The following ANKHD1 variants were observed in gnomAD, a reference collection of about 807,000 sequenced individuals.
ANKHD1 encodes the protein ankyrin repeat and KH domain containing 1.
A neutral mutation model predicts 230.5 loss-of-function variants in ANKHD1; 31 were observed. The observed-to-expected ratio is 0.13, with a 90% confidence interval of 0.10 to 0.18. The LOEUF is 0.18. Among genes scored for constraint, ANKHD1 ranks in the 10% least tolerant of loss-of-function variants. The probability of loss-of-function intolerance (pLI) is 1.00; values close to 1 mark genes in which losing one functional copy is unlikely to be tolerated. For missense variants in ANKHD1, 2,256 were observed against 3,071.3 expected (o/e 0.73, Z 6.27); for synonymous variants, 1,074 against 1,117.6 (o/e 0.96, Z 0.78).
At chr5:140,454,817 G>A (rs1177678636) in intron 7 of ANKHD1, among the ~76,000 whole-genome samples, 7 of 152,060 alleles carry the variant, frequency 4.6e-5, no homozygotes, top group African/African-American at 1.4e-4. Context: ...AGAAGTAAGA[G>A]CAAACACATT....
intron 1 of ANKHD1, among the ~76,000 whole-genome samples, chr5:140,425,033 T>C (rs544168625): frequency 6.6e-6 from 1 of 152,250 alleles, no homozygotes; most frequent in Non-Finnish European, 1.5e-5. Flanking sequence ...AGGTACTTAA[T>C]AGTAGATTTT....
chr5:140,459,805 GA>G (rs1381753109), intron 9 of ANKHD1, among the ~76,000 whole-genome samples: 2 of 152,096 alleles, frequency 1.3e-5, no homozygotes, highest in Admixed American at 6.5e-5. Flanking sequence ...ATACTGTTTA[GA>G]AAAAGACTTA....
intron 14 of ANKHD1, among the ~76,000 whole-genome samples, chr5:140,490,713 T>G (rs1164239517): frequency 1.3e-5 from 2 of 152,248 alleles, no homozygotes; most frequent in African/African-American, 4.8e-5. Context: ...AGAATTAATC[T>G]GCTGCAAAGC....
chr5:140,539,782 C>T lies in ANKHD1; in HGVS notation c.*364C>T, dbSNP rs1450278578. 5.7e-6 allele frequency: 1 copy of T among 175,826 alleles called. No homozygotes were observed. The highest frequency in any genetic ancestry group is 1.2e-5 in the Non-Finnish European group (1 of 82,752). 10.9% of individuals were successfully genotyped at this position (175,826 alleles called of 1,614,324 possible). A position where few individuals can be genotyped will look rare whatever the true frequency, so the allele number is the denominator to read the frequency against. On this transcript the variant is annotated 3_prime_UTR_variant, in exon 34 of 34. Transcript: ENST00000360839. ...GAGTAAATTTCTTGTCATATAGTGG[C>T]TCTACGTAATGTAGCCTGTATTAAT...
chr5:140,497,551 T>G (rs542729705), intron 15 of ANKHD1, among the ~76,000 whole-genome samples: 2 of 152,230 alleles, frequency 1.3e-5, no homozygotes, highest in Non-Finnish European at 2.9e-5. Context: ...TCAAAACCAC[T>G]GTGTGCTGTG....
intron 10 of ANKHD1, among the ~76,000 whole-genome samples, chr5:140,467,195 A>G (rs1443250468): frequency 2.0e-5 from 3 of 152,132 alleles, no homozygotes; most frequent in Non-Finnish European, 4.4e-5. Flanking sequence ...TTGATGAACC[A>G]TACTCGTTCA....
At chr5:140,533,177 G>A (rs1753912360) in intron 29 of ANKHD1, among the ~76,000 whole-genome samples, 1 of 152,134 alleles carries the variant, frequency 6.6e-6, no homozygotes, top group African/African-American at 2.4e-5. Flanking sequence ...GCCAGGTGTG[G>A]TGGCTCACAC....
intron 14 of ANKHD1, among the ~76,000 whole-genome samples, chr5:140,495,650 A>C (rs1481878670): frequency 6.6e-6 from 1 of 152,142 alleles, no homozygotes; most frequent in Non-Finnish European, 1.5e-5. Context: ...TAGGATTATT[A>C]ATATTGATAA....
intron 1 of ANKHD1, among the ~76,000 whole-genome samples, chr5:140,405,815 T>C (rs973190949): frequency 6.6e-6 from 1 of 152,150 alleles, no homozygotes; most frequent in Non-Finnish European, 1.5e-5. Context: ...ATATTTTTGG[T>C]AGAGACAGCG....
chr5:140,420,728 G>A (rs539531627), intron 1 of ANKHD1, among the ~76,000 whole-genome samples: 15 of 152,246 alleles, frequency 9.9e-5, no homozygotes, highest in African/African-American at 3.6e-4. Flanking sequence ...CTTGATTACT[G>A]TAGCTTTTTG....
In ANKHD1 at chr5:140,486,030, T is replaced by C. The variant is rs149739744; in HGVS notation, c.2142+298T>C. The C allele has an allele frequency of 1.7e-4, 49 of 296,614 alleles. 2 individuals carry two copies. In the East Asian group the frequency reaches 4.2e-3, roughly 26 times the overall value. 18.4% of individuals were successfully genotyped at this position (296,614 alleles called of 1,614,324 possible). A position where few individuals can be genotyped will look rare whatever the true frequency, so the allele number is the denominator to read the frequency against. On this transcript the variant is annotated intron_variant, in intron 13 of 33. Coordinates refer to ENST00000360839, the MANE Select transcript of ANKHD1 (RefSeq NM_017747.3). ...TTTTTCAGGGTTTTTTATTTGTTTT[T>C]TAACAAGAGAATCAAGAGAAAGCTT...
At chr5:140,520,470 A>T (rs1477072371) in intron 24 of ANKHD1, among the ~76,000 whole-genome samples, 1 of 152,114 alleles carries the variant, frequency 6.6e-6, no homozygotes, top group Non-Finnish European at 1.5e-5. Context: ...CTATAAAGAC[A>T]CATGCACACG....
intron 30 of ANKHD1, chr5:140,537,182 A>G (rs1754123784): frequency 4.6e-6 from 4 of 873,714 alleles, no homozygotes; most frequent in Non-Finnish European, 4.8e-6. Flanking sequence ...GTGTAGGATA[A>G]TGTCTATAGA....
At chr5:140,428,041 A>T (rs1772679687) in intron 1 of ANKHD1, among the ~76,000 whole-genome samples, 1 of 147,914 alleles carries the variant, frequency 6.8e-6, no homozygotes, top group Non-Finnish European at 1.5e-5. Flanking sequence ...GACGATGGGC[A>T]GCCGGGCAGA....
intron 15 of ANKHD1, among the ~76,000 whole-genome samples, chr5:140,498,541 G>A (rs890784959): frequency 2.6e-5 from 4 of 152,132 alleles, no homozygotes; most frequent in African/African-American, 9.7e-5. Context: ...TAAGGAGTTA[G>A]GCTCTTTGTT....
chr5:140,539,024 G>A lies in ANKHD1; in HGVS notation c.7510G>A (p.Ala2504Thr). The A allele has an allele frequency of 6.2e-7, 1 of 1,613,116 alleles. No homozygotes were observed. Residue 2504 changes from alanine (A) to threonine (T), a missense_variant, in exon 33 of 34, where the codon GCT (alanine) becomes ACT (threonine). Ala to Thr is a moderately conservative substitution (Grantham distance 58, BLOSUM62 0). Transcript: ENST00000360839. ...LFNGLHNPDP[A>T]WNPMIKVIQN... Reference sequence around the variant, plus strand: ...TAATGGACTTCACAATCCAGATCCTGCTTGGAACCCTATGATAAAAGTTAT... The same window carrying A: ...TAATGGACTTCACAATCCAGATCCTACTTGGAACCCTATGATAAAAGTTAT...
At chr5:140,442,464 C>T (rs1467143819) in intron 5 of ANKHD1, among the ~76,000 whole-genome samples, 1 of 152,114 alleles carries the variant, frequency 6.6e-6, no homozygotes, top group Non-Finnish European at 1.5e-5. Flanking sequence ...TGTTTCACCT[C>T]AGATAGTCAG....
Position 140,496,742 on chromosome 5 carries a change from A to G in ANKHD1, c.2468A>G (p.Asn823Ser). The change falls in exon 15 of 34, where the codon AAC becomes AGC. Residue 823 changes from asparagine to serine, a missense_variant. By Grantham distance (46) the Asn-to-Ser change is conservative. Coordinates refer to ENST00000360839, the MANE Select transcript of ANKHD1 (RefSeq NM_017747.3). ...NKDKIEELKKNREEQVQKKKK... is the reference protein window; with the variant it reads ...NKDKIEELKKSREEQVQKKKK... ...GATAAGATAGAAGAACTTAAAAAGA[A>G]CAGAGAAGAGCAAGTCCAGAAGAAG... 6.2e-7 allele frequency: 1 copy of G among 1,613,796 alleles called. No individual in the cohort carries two copies. Among genetic ancestry groups the G allele is most frequent in the Non-Finnish European group, 8.5e-7 (1 of 1,179,930 alleles).
Position 140,528,820 on chromosome 5 carries a change from C to T in ANKHD1, c.5874C>T (p.Val1958=), listed in dbSNP as rs1215285455. Reference sequence around the variant, plus strand: ...CTAATACCCGGACTCCTTCATCAGTCAGAAAGCAGTTGTTTGCCTGTGTGC... The same window carrying T: ...CTAATACCCGGACTCCTTCATCAGTTAGAAAGCAGTTGTTTGCCTGTGTGC... ...CVTNTRTPSS[V]RKQLFACVPK... Residue 1958 remains valine (V), a synonymous_variant, in exon 29 of 34, where the codon GTC becomes GTT. Coordinates refer to ENST00000360839, the MANE Select transcript of ANKHD1 (RefSeq NM_017747.3). 3 of 1,613,960 alleles carry T rather than the reference C, an allele frequency of 1.9e-6. No homozygotes were observed. The highest frequency in any genetic ancestry group is 1.1e-5 in the South Asian group (1 of 91,086).
Sources: allele counts gnomAD v4.1 joint callset (sites outside exome capture counted in the v4.1 genomes callset), GRCh38; gene constraint gnomAD v4.1.1; transcripts MANE v1.5; gene names NCBI Gene and HGNC (gene_info 2026-07-23, HGNC 2026-07-21).